PCDHGA2: variants seen among roughly 807,000 people sequenced by gnomAD.
The protein encoded by PCDHGA2 is protocadherin gamma-A2.
In PCDHGA2, 40 loss-of-function variants were observed where a neutral mutation model predicts 59.2. The ratio of observed to expected loss-of-function variants is 0.68; its 90% confidence interval spans 0.52 to 0.88. The LOEUF is 0.88. PCDHGA2 is among the 40% of genes least tolerant of loss of function. PCDHGA2 has a pLI of 0.00. For synonymous variants in PCDHGA2, 560 were observed against 526.0 expected, an observed-to-expected ratio of 1.06 and a Z score of -0.89; for missense variants, 1,226 against 1,204.0, an observed-to-expected ratio of 1.02 and a Z score of -0.27.
intron 1 of PCDHGA2, chr5:141,421,995 C>G (rs750731453): frequency 6.2e-7 from 1 of 1,608,844 alleles, no homozygotes; most frequent in South Asian, 1.1e-5. Context: ...CAGAAAACAT[C>G]AGCTCCGGAA....
chr5:141,456,824 G>A (rs2098890304), intron 1 of PCDHGA2, among the ~76,000 whole-genome samples: 2 of 152,170 alleles, frequency 1.3e-5, no homozygotes, highest in South Asian at 2.1e-4. Context: ...ATTAGCCATC[G>A]TGGTAGTGGG....
intron 1 of PCDHGA2, chr5:141,415,073 C>G: frequency 1.9e-6 from 3 of 1,613,434 alleles, no homozygotes; most frequent in Non-Finnish European, 2.5e-6. Flanking sequence ...GTGCGCACGG[C>G]GCGAGCCCTG....
chr5:141,421,384 C>T (rs960627405), intron 1 of PCDHGA2: 5 of 1,613,928 alleles, frequency 3.1e-6, no homozygotes, highest in Non-Finnish European at 4.2e-6. Context: ...CTCCAAGGAC[C>T]TGGGGCTGGA....
chr5:141,345,330 T>A (rs1357399897), intron 1 of PCDHGA2: 19 of 1,613,860 alleles, frequency 1.2e-5, no homozygotes, highest in Non-Finnish European at 1.4e-5. Context: ...CCCGCCACTG[T>A]CCACAGAAAC....
chr5:141,466,646 T>C (rs954003023), intron 1 of PCDHGA2, among the ~76,000 whole-genome samples: 11 of 152,210 alleles, frequency 7.2e-5, no homozygotes, highest in African/African-American at 2.4e-4. Context: ...CATAAACTTT[T>C]CACAAAACAT....
At position 141,389,943 on chromosome 5, in the gene PCDHGA2, CAGTTTT is replaced by C. The variant is rs777429461; in HGVS notation, c.2424+48550_2424+48555del. The C allele has an allele frequency of 2.5e-6, 4 of 1,613,956 alleles. No homozygotes were observed. In the African/African-American group the frequency reaches 5.3e-5, roughly 22 times the overall value. On this transcript the variant is annotated intron_variant, in intron 1 of 3. Transcript: ENST00000394576. The stretch of plus-strand genomic sequence containing the variant: ...CCCCTCTGACCTCCAGGCTGAGCTG[CAGTTTT>C]ACCTAGTGGTGGCCTTGGCCTTGAT...
In PCDHGA2 at chr5:141,490,803, C is replaced by A; in HGVS notation, c.2425-4004C>A. The A allele has an allele frequency of 6.2e-7, 1 of 1,613,956 alleles. No homozygotes were observed. Among genetic ancestry groups the A allele is most frequent in the South Asian group, 1.1e-5 (1 of 91,080 alleles). On this transcript the variant is annotated intron_variant, in intron 1 of 3. Transcript: ENST00000394576. The surrounding 1 kb of genome is among the most constrained non-coding windows in gnomAD (Gnocchi z 5.4). ...ATGGACGGATCTTTGCCCAGCGTAC[C>A]TTTGACTATGAATTGCTGCAGATGC...
chr5:141,352,858 C>T (rs889457507), intron 1 of PCDHGA2, among the ~76,000 whole-genome samples: 2 of 152,006 alleles, frequency 1.3e-5, no homozygotes, highest in South Asian at 2.1e-4. Context: ...TGTGGTGGCA[C>T]GCGCCTGTAG....
intron 1 of PCDHGA2, chr5:141,346,563 T>C (rs1488961936): frequency 9.6e-6 from 14 of 1,461,888 alleles, no homozygotes; most frequent in Non-Finnish European, 1.3e-5. Flanking sequence ...AGGTTGTCAT[T>C]AGTCCTTTGA....
chr5:141,477,043 G>A lies in PCDHGA2; in HGVS notation c.2425-17764G>A. The A allele has an allele frequency of 6.2e-7, 1 of 1,614,260 alleles. No individual in the cohort carries two copies. Among genetic ancestry groups the A allele is most frequent in the Middle Eastern group, 1.6e-4 (1 of 6,062 alleles). On this transcript the variant is annotated intron_variant, in intron 1 of 3. Coordinates refer to ENST00000394576, the MANE Select transcript of PCDHGA2 (RefSeq NM_018915.4). This position sits in a 1 kb window ranked among gnomAD's most constrained non-coding sequence, Gnocchi z 4.9. The stretch of plus-strand genomic sequence containing the variant: ...CCGGGATGCTGACAATCAAGGGTCG[G>A]CTGGACTTCGAGGACACCAAACTCC...
intron 1 of PCDHGA2, chr5:141,371,188 T>A (rs1206989931): frequency 6.2e-7 from 1 of 1,614,030 alleles, no homozygotes; most frequent in South Asian, 1.1e-5. Flanking sequence ...TTAAAAGTGA[T>A]GGCCATTGAC....
chr5:141,371,135 C>T (rs779737022), intron 1 of PCDHGA2: 9 of 1,614,012 alleles, frequency 5.6e-6, no homozygotes, highest in Non-Finnish European at 7.6e-6. Flanking sequence ...AGGACATGTA[C>T]AGGGTCAATG....
intron 1 of PCDHGA2, chr5:141,376,102 C>G (rs1772284190): frequency 6.2e-7 from 1 of 1,613,506 alleles, no homozygotes; most frequent in Non-Finnish European, 8.5e-7. Flanking sequence ...ACATCCTGGC[C>G]GACCTGGGCA....
At chr5:141,426,639 AATGTGATGATAGAAGATATAAATG>A (rs1418104928) in intron 1 of PCDHGA2, 1 of 407,642 alleles carries the variant, frequency 2.5e-6, no homozygotes, top group Non-Finnish European at 5.0e-6. Context: ...TTTTCACATA[AATGTGATGATAGAAGATATAAATG>A]ATAACCCACC....
At position 141,431,435 on chromosome 5, in the gene PCDHGA2, G is replaced by A. The variant is rs376827063; in HGVS notation, c.2425-63372G>A. ...GGGCGACCCGGTGCGCACAGGCACC[G>A]CGCGCATCCGCGTGATGGTTCTGGA... On this transcript the variant is annotated intron_variant, in intron 1 of 3. Coordinates refer to ENST00000394576, the MANE Select transcript of PCDHGA2 (RefSeq NM_018915.4). The surrounding 1 kb of genome is among the most constrained non-coding windows in gnomAD (Gnocchi z 4.8). 2.5e-6 allele frequency: 4 copies of A among 1,613,550 alleles called. No homozygotes were observed. Among genetic ancestry groups the A allele is most frequent in the Non-Finnish European group, 3.4e-6 (4 of 1,180,034 alleles).
chr5:141,344,637 C>G (rs531413275), intron 1 of PCDHGA2: 1 of 1,613,842 alleles, frequency 6.2e-7, no homozygotes, highest in African/African-American at 1.3e-5. Context: ...GGCCCTGGAC[C>G]GTGAGAAAAA....
At chr5:141,358,349 G>T (rs1182827672) in intron 1 of PCDHGA2, among the ~76,000 whole-genome samples, 1 of 152,164 alleles carries the variant, frequency 6.6e-6, no homozygotes, top group Admixed American at 6.5e-5. Flanking sequence ...TGGACTGAGG[G>T]TTTTTTAATT....
rs1228153118 is a variant in PCDHGA2 at position 141,433,077 on chromosome 5, C to G, written c.2425-61730C>G. 5.0e-6 allele frequency: 8 copies of G among 1,614,080 alleles called. No homozygotes were observed. The African/African-American group carries it at 6.7e-5, about 13-fold the overall frequency. On this transcript the variant is annotated intron_variant, in intron 1 of 3. Transcript: ENST00000394576. Reference sequence around the variant, plus strand: ...AAGAGTCACCTGATCTTCCCCCAGCCCAACTATGCAGACATGCTCGTCAGC... The same window carrying G: ...AAGAGTCACCTGATCTTCCCCCAGCGCAACTATGCAGACATGCTCGTCAGC...
At position 141,431,982 on chromosome 5, in the gene PCDHGA2, T is replaced by G. The variant is rs2097433926; in HGVS notation, c.2425-62825T>G. The G allele has an allele frequency of 6.2e-7, 1 of 1,614,212 alleles. No homozygotes were observed. Among genetic ancestry groups the G allele is most frequent in the African/African-American group, 1.3e-5 (1 of 75,056 alleles). ...AATTACTATAGTTTAGTCACAGACA[T>G]AGTCTTGGATAGGGAACAGGTTCCT... On this transcript the variant is annotated intron_variant, in intron 1 of 3. Transcript: ENST00000394576. The surrounding 1 kb of genome is among the most constrained non-coding windows in gnomAD (Gnocchi z 4.8).
Sources: gnomAD v4.1 joint callset for allele counts (sites outside exome capture counted in the v4.1 genomes callset) on GRCh38, gnomAD v4.1.1 for gene constraint, Gnocchi (gnomAD v3.1) non-coding constraint, MANE v1.5 for transcripts, NCBI Gene and HGNC (gene_info 2026-07-23, HGNC 2026-07-21) for gene names.